Variants in ZNF385D observed in about 807,000 individuals in gnomAD.
ZNF385D encodes the protein zinc finger protein 385D.
In ZNF385D, 15 loss-of-function variants were observed where a neutral mutation model predicts 35.8. The observed-to-expected ratio is 0.42, with a 90% CI of 0.28 to 0.64. The LOEUF (loss-of-function observed/expected upper bound fraction) is 0.64, where lower values mean the gene tolerates loss of function less well. Among genes scored for constraint, ZNF385D ranks in the 30% least tolerant of loss-of-function variants. The probability of loss-of-function intolerance (pLI) is 0.23; values close to 1 mark genes in which losing one functional copy is unlikely to be tolerated. For synonymous variants in ZNF385D, 212 were observed against 186.8 expected (o/e 1.13, Z -1.10); for missense variants, 474 against 494.6 (o/e 0.96, Z 0.39).
chr3:21,735,377 C>A (rs1323800262), intron 1 of ZNF385D, among the ~76,000 whole-genome samples: 1 of 152,088 alleles, frequency 6.6e-6, no homozygotes, highest in Non-Finnish European at 1.5e-5. Flanking sequence ...CCTATTTGTG[C>A]CACTCACTAC....
intron 3 of ZNF385D, among the ~76,000 whole-genome samples, chr3:22,036,694 G>C (rs1383543843): frequency 6.7e-6 from 1 of 148,432 alleles, no homozygotes; most frequent in Non-Finnish European, 1.5e-5. Context: ...CGAGAAAGAA[G>C]AGTAGCCCTA....
At chr3:21,545,335 C>T (rs1205016818) in intron 3 of ZNF385D, among the ~76,000 whole-genome samples, 1 of 152,182 alleles carries the variant, frequency 6.6e-6, no homozygotes, top group Non-Finnish European at 1.5e-5. Context: ...AGCTGAAATG[C>T]TCGTGAATAT....
At chr3:21,566,276 A>G (rs781079471) in intron 2 of ZNF385D, among the ~76,000 whole-genome samples, 1 of 152,092 alleles carries the variant, frequency 6.6e-6, no homozygotes, top group East Asian at 1.9e-4. Flanking sequence ...TCCTTGCCCA[A>G]ATTCTGGATG....
chr3:22,000,373 C>T (rs13081721), intron 3 of ZNF385D, among the ~76,000 whole-genome samples: 16,328 of 152,072 alleles, frequency 0.11, 1,174 homozygotes, highest in South Asian at 0.26. Flanking sequence ...GTCATCCTCA[C>T]TGCTACACTC....
At chr3:21,527,496 G>A (rs1387963495) in intron 3 of ZNF385D, among the ~76,000 whole-genome samples, 1 of 152,080 alleles carries the variant, frequency 6.6e-6, no homozygotes, top group Non-Finnish European at 1.5e-5. Context: ...TATAGAAAAG[G>A]TTATCATCAA....
chr3:22,111,256 A>G (rs1360182237), intron 3 of ZNF385D, among the ~76,000 whole-genome samples: 3 of 140,580 alleles, frequency 2.1e-5, no homozygotes, highest in African/African-American at 7.9e-5. Flanking sequence ...TTTACTTACG[A>G]GTATTCAAGA....
chr3:21,822,008 C>T (rs943032835), intron 3 of ZNF385D, among the ~76,000 whole-genome samples: 25 of 150,666 alleles, frequency 1.7e-4, no homozygotes, highest in Non-Finnish European at 3.6e-4. Flanking sequence ...GTTTAGCCAA[C>T]TTTTTTATTG....
chr3:21,479,716 C>T (rs1488746224), intron 4 of ZNF385D, among the ~76,000 whole-genome samples: 2 of 152,228 alleles, frequency 1.3e-5, no homozygotes, highest in East Asian at 3.9e-4. Context: ...TTGCAATTAT[C>T]GCTAATTCTA....
intron 4 of ZNF385D, 85 bp downstream of exon 4, chr3:21,510,776 T>TA: frequency 6.5e-7 from 1 of 1,539,878 alleles, no homozygotes; most frequent in Non-Finnish European, 8.9e-7. Context: ...GGCAGGCACA[T>TA]AAGTAAACAG....
chr3:21,456,263 G>T (rs1271639651), intron 4 of ZNF385D, among the ~76,000 whole-genome samples: 1 of 152,130 alleles, frequency 6.6e-6, no homozygotes, highest in African/African-American at 2.4e-5. Flanking sequence ...TATAAATCAT[G>T]CTGCTATAAA....
chr3:22,040,237 C>T (rs1042237248), intron 3 of ZNF385D, among the ~76,000 whole-genome samples: 1 of 152,132 alleles, frequency 6.6e-6, no homozygotes, highest in African/African-American at 2.4e-5. Flanking sequence ...ACAAATTATC[C>T]TAATTTGAGT....
intron 3 of ZNF385D, among the ~76,000 whole-genome samples, chr3:21,551,522 T>C (rs2062568331): frequency 1.3e-5 from 2 of 152,258 alleles, no homozygotes; most frequent in South Asian, 4.1e-4. Context: ...TCCTATTCTA[T>C]AGTGAATCAT....
In ZNF385D at chr3:21,903,544, C is replaced by A. The variant is rs542808059; in HGVS notation, c.326-238516G>T. 1.5e-3 allele frequency among the ~76,000 whole-genome samples: 225 copies of A among 152,162 alleles called. 1 individual carries two copies. Among genetic ancestry groups the A allele is most frequent in the African/African-American group, 5.3e-3 (220 of 41,516 alleles). ...ATCAAAATTGATGGCTGCTACAGAA[C>A]TTTTACAAGTTGATGGAAATGTATT... is the stretch of plus-strand genomic sequence containing the variant. On this transcript the variant is annotated intron_variant, in intron 3 of 5. Coordinates refer to the ZNF385D transcript ENST00000494108.
intron 3 of ZNF385D, among the ~76,000 whole-genome samples, chr3:21,952,379 G>A (rs987467440): frequency 6.6e-6 from 1 of 151,758 alleles, no homozygotes; most frequent in Non-Finnish European, 1.5e-5. Context: ...TTAATAAAAG[G>A]CCTCATTAGG....
At chr3:21,757,179 C>T (rs12715018) in intron 3 of ZNF385D, among the ~76,000 whole-genome samples, 41,332 of 142,932 alleles carry the variant, frequency 0.29, 6,350 homozygotes, top group Middle Eastern at 0.42. Flanking sequence ...ACCCAGGCCC[C>T]AGGCTGGAGT....
intron 3 of ZNF385D, among the ~76,000 whole-genome samples, chr3:22,038,683 A>G (rs771999353): frequency 3.3e-5 from 5 of 152,066 alleles, no homozygotes; most frequent in Non-Finnish European, 5.9e-5. Flanking sequence ...TTTTGGATCT[A>G]ATAAACAAAA....
At chr3:22,176,336 T>C (rs2125770939) in intron 2 of ZNF385D, among the ~76,000 whole-genome samples, 1 of 152,294 alleles carries the variant, frequency 6.6e-6, no homozygotes, top group Admixed American at 6.5e-5. Flanking sequence ...ATAAGTTCTT[T>C]ACTAAAAAGC....
intron 3 of ZNF385D, among the ~76,000 whole-genome samples, chr3:21,820,595 A>G (rs1471398820): frequency 6.6e-6 from 1 of 151,736 alleles, no homozygotes; most frequent in Non-Finnish European, 1.5e-5. Context: ...AAATGTTCCA[A>G]ACTAGGCATA....
At chr3:22,231,520 T>C (rs1698888956) in intron 2 of ZNF385D, among the ~76,000 whole-genome samples, 1 of 152,140 alleles carries the variant, frequency 6.6e-6, no homozygotes, top group Non-Finnish European at 1.5e-5. Flanking sequence ...ACAGCTTTCT[T>C]CAGTGTCTCT....
Sources: allele counts gnomAD v4.1 joint callset (sites outside exome capture counted in the v4.1 genomes callset), GRCh38; gene constraint gnomAD v4.1.1; transcripts MANE v1.5; gene names NCBI Gene and HGNC (gene_info 2026-07-23, HGNC 2026-07-21).